The following DRC4 variants were observed in gnomAD, a reference collection of about 807,000 sequenced individuals.
DRC4 encodes the protein GAS-11.
the DRC4 span, chr16:90,036,276 C>G: frequency 2.0e-6 from 2 of 1,001,360 alleles, no homozygotes; most frequent in East Asian, 2.4e-5. Context: ...CAAGGCTGTT[C>G]TGACCACAGT....
the DRC4 span, among the ~76,000 whole-genome samples, chr16:90,027,294 T>G: frequency 6.6e-6 from 1 of 151,824 alleles, no homozygotes; most frequent in Admixed American, 6.6e-5. Flanking sequence ...TTCACTGTGT[T>G]AGCCGGGATG....
the DRC4 span, chr16:90,040,470 G>A: frequency 4.4e-6 from 7 of 1,608,984 alleles, no homozygotes; most frequent in Non-Finnish European, 4.2e-6. Flanking sequence ...CCTCTAACCT[G>A]GACCCTGCAG....
chr16:90,040,389 A>G, the DRC4 span: 34 of 1,611,672 alleles, frequency 2.1e-5, no homozygotes, highest in South Asian at 2.0e-4. Flanking sequence ...ACCTCGTGCT[A>G]GAACGCAAGC....
chr16:90,043,577 G>A, the DRC4 span: 7 of 606,556 alleles, frequency 1.2e-5, no homozygotes, highest in Non-Finnish European at 2.1e-5. Flanking sequence ...TCCAGCCTGT[G>A]TCCAGGCCTA....
the DRC4 span, chr16:90,031,276 C>T: frequency 6.2e-7 from 1 of 1,610,692 alleles, no homozygotes; most frequent in Non-Finnish European, 8.5e-7. Context: ...CAGTGCCTCA[C>T]CTGACCCACT....
chr16:90,023,850 G>A, the DRC4 span, among the ~76,000 whole-genome samples: 1 of 150,068 alleles, frequency 6.7e-6, no homozygotes, highest in Admixed American at 6.6e-5. Context: ...AAATTAGCTG[G>A]GTGTGGTGGC....
the DRC4 span, chr16:90,029,137 CCTACGGGGCAGCCTACGGGGCAGG>C: frequency 5.3e-5 from 65 of 1,220,898 alleles, no homozygotes; most frequent in South Asian, 8.7e-4. Context: ...GGCCATGGAG[CCTACGGGGCAGCCTACGGGGCAGG>C]CTACGGGGCA....
At chr16:90,025,015 CTCTTT>C in the DRC4 span, among the ~76,000 whole-genome samples, 7 of 148,096 alleles carry the variant, frequency 4.7e-5, no homozygotes, top group Middle Eastern at 3.5e-3. Context: ...TTTTCTCTCT[CTCTTT>C]TTTTTTTTTT....
the DRC4 span, chr16:90,032,937 G>T: frequency 6.2e-7 from 1 of 1,608,734 alleles, no homozygotes; most frequent in South Asian, 1.1e-5. Context: ...AGGTGTGGCG[G>T]GGGCACCTGG....
At chr16:90,040,478 C>T in the DRC4 span, 4 of 1,607,362 alleles carry the variant, frequency 2.5e-6, no homozygotes, top group East Asian at 6.7e-5. Context: ...CTGGACCCTG[C>T]AGCCCTGACG....
the DRC4 span, chr16:90,043,920 C>G: frequency 4.6e-6 from 2 of 439,550 alleles, no homozygotes. Flanking sequence ...CGCTCTAACT[C>G]CCTCGGTAGG....
chr16:90,028,173 A>ATTTTTTTTTTTTTTTTTTT, the DRC4 span, among the ~76,000 whole-genome samples: 2 of 63,836 alleles, frequency 3.1e-5, no homozygotes, highest in African/African-American at 6.8e-5. Flanking sequence ...TTAATCGTTC[A>ATTTTTTTTTTTTTTTTTTT]TTTTTTTTTT....
At chr16:90,029,238 C>T in the DRC4 span, 29 of 1,182,962 alleles carry the variant, frequency 2.5e-5, no homozygotes, top group South Asian at 3.0e-4. Context: ...CACTGCACAT[C>T]GCACGTTGAG....
chr16:90,020,062 C>G, the DRC4 span: 2 of 678,966 alleles, frequency 2.9e-6, no homozygotes, highest in South Asian at 1.6e-5. Context: ...ATTGCCAGCT[C>G]CTGGCCTGGG....
the DRC4 span, chr16:90,031,094 A>C: frequency 8.3e-7 from 1 of 1,209,026 alleles, no homozygotes. Flanking sequence ...TTATTGGCCA[A>C]ATTGAAGAGA....
At chr16:90,035,590 T>A in the DRC4 span, 1 of 1,613,860 alleles carries the variant, frequency 6.2e-7, no homozygotes, top group Non-Finnish European at 8.5e-7. Flanking sequence ...CGGGCTTCCC[T>A]CTGTGTCCGG....
At chr16:90,040,689 A>G in the DRC4 span, among the ~76,000 whole-genome samples, 83,595 of 121,180 alleles carry the variant, frequency 0.69, 32,290 homozygotes, top group African/African-American at 0.83. Flanking sequence ...AGGGCTGGGC[A>G]GGGGAACCAG....
the DRC4 span, among the ~76,000 whole-genome samples, chr16:90,034,708 T>C: frequency 6.6e-6 from 1 of 151,488 alleles, no homozygotes; most frequent in Non-Finnish European, 1.5e-5. Context: ...TATATAATAA[T>C]TGTTCATTAA....
the DRC4 span, among the ~76,000 whole-genome samples, chr16:90,021,874 A>AAAG: frequency 1.2e-3 from 158 of 127,250 alleles, 7 homozygotes; most frequent in African/African-American, 3.8e-3. Flanking sequence ...AAAAAAAAAA[A>AAAG]AAGCACCTGT....
Sources: allele counts gnomAD v4.1 joint callset (sites outside exome capture counted in the v4.1 genomes callset), GRCh38; gene constraint gnomAD v4.1.1; transcripts MANE v1.5; gene names NCBI Gene and HGNC (gene_info 2026-07-23, HGNC 2026-07-21).